LMO7: variants seen among roughly 807,000 people sequenced by gnomAD.
LMO7 encodes LIM domain only protein 7.
In LMO7, 120 loss-of-function variants were observed where a neutral mutation model predicts 206.5. The ratio of observed to expected loss-of-function variants is 0.58; its 90% CI spans 0.50 to 0.68. The LOEUF is 0.68. LMO7 is among the 30% of genes least tolerant of loss of function. The probability of loss-of-function intolerance (pLI) is 0.00; values close to 1 mark genes in which losing one functional copy is unlikely to be tolerated. For missense variants in LMO7, 1,959 were observed against 1,957.9 expected (o/e 1.00, Z -0.01); for synonymous variants, 706 against 681.5 (o/e 1.04, Z -0.56).
intron 1 of LMO7, among the ~76,000 whole-genome samples, chr13:75,704,661 G>A (rs1326510954): frequency 6.6e-6 from 1 of 152,200 alleles, no homozygotes; most frequent in Non-Finnish European, 1.5e-5. Flanking sequence ...ACTCGCATTA[G>A]TGGGCATTTT....
chr13:75,725,988 ATTT>A (rs34824538), intron 2 of LMO7, among the ~76,000 whole-genome samples: 2 of 141,392 alleles, frequency 1.4e-5, no homozygotes, highest in Non-Finnish European at 1.6e-5. Context: ...CAGGCTTCAG[ATTT>A]TTTTTTTTTT....
At chr13:75,790,352 A>G (rs2053098403) in intron 4 of LMO7, among the ~76,000 whole-genome samples, 1 of 152,110 alleles carries the variant, frequency 6.6e-6, no homozygotes, top group Non-Finnish European at 1.5e-5. Flanking sequence ...TGAGGCTGGT[A>G]CTGTTGTTCC....
chr13:75,822,762 CTATATATATATATATATATATA>C (rs66789925), intron 14 of LMO7, among the ~76,000 whole-genome samples: 8 of 108,448 alleles, frequency 7.4e-5, no homozygotes, highest in Non-Finnish European at 1.1e-4. Context: ...TTTTTAGAAA[CTATATATATATATATATATATA>C]TATATATATA....
At chr13:75,696,785 C>T (rs2041934305) in intron 1 of LMO7, among the ~76,000 whole-genome samples, 1 of 152,042 alleles carries the variant, frequency 6.6e-6, no homozygotes, top group Non-Finnish European at 1.5e-5. Flanking sequence ...CAAAAAAGCC[C>T]ATGTATTCCC....
chr13:75,701,273 C>T (rs1025517263), intron 1 of LMO7, among the ~76,000 whole-genome samples: 43 of 152,320 alleles, frequency 2.8e-4, no homozygotes, highest in African/African-American at 1.0e-3. Flanking sequence ...AACTGGGCGT[C>T]TCAGCCGCAT....
chr13:75,684,543 C>G (rs903657874), intron 1 of LMO7, among the ~76,000 whole-genome samples: 9 of 141,976 alleles, frequency 6.3e-5, no homozygotes, highest in African/African-American at 2.3e-4. Context: ...CTGCGCCCGG[C>G]CGGCTTTTTT....
chr13:75,696,108 G>A (rs142491447), intron 1 of LMO7, among the ~76,000 whole-genome samples: 3,975 of 152,296 alleles, frequency 0.026, 69 homozygotes, highest in African/African-American at 0.032. Flanking sequence ...TGTAATCCCA[G>A]CACTTTGGGA....
At chr13:75,643,159 C>T (rs1050747260) in intron 1 of LMO7, among the ~76,000 whole-genome samples, 7 of 152,180 alleles carry the variant, frequency 4.6e-5, no homozygotes, top group Non-Finnish European at 7.3e-5. Context: ...ATTGCTCTAG[C>T]TCTCTTTCTC....
intron 1 of LMO7, among the ~76,000 whole-genome samples, chr13:75,684,536 C>G (rs9544023): frequency 0.41 from 61,443 of 148,890 alleles, 13,803 homozygotes; most frequent in Middle Eastern, 0.53. Context: ...TGAGCCACTG[C>G]GCCCGGCCGG....
At chr13:75,687,500 G>T (rs896755493) in intron 1 of LMO7, among the ~76,000 whole-genome samples, 3 of 151,784 alleles carry the variant, frequency 2.0e-5, no homozygotes, top group Non-Finnish European at 4.4e-5. Context: ...TTCTCTACTT[G>T]GTTAACTCCA....
At chr13:75,808,246 G>A in intron 10 of LMO7, 47 bp downstream of exon 10, 1 of 1,526,956 alleles carries the variant, frequency 6.5e-7, no homozygotes, top group South Asian at 1.3e-5. Flanking sequence ...GGATGGTCTT[G>A]TGTAACTTTT....
chr13:75,733,334 G>C (rs1377276738), intron 3 of LMO7, among the ~76,000 whole-genome samples: 1 of 152,236 alleles, frequency 6.6e-6, no homozygotes. Flanking sequence ...GCAATGGCGG[G>C]CGCCCCTCCC....
rs9600510 is a variant in LMO7 at position 75,639,986 on chromosome 13, C to T, written c.69+3260C>T. On this transcript the variant is annotated intron_variant, in intron 1 of 30. Coordinates refer to ENST00000377534, the MANE Select transcript of LMO7 (RefSeq NM_001306080.2). Reference sequence around the variant, plus strand: ...TTCCTCACTTCTAATTGGTCTGTTTCTCCACCTGCCCCAAGTTTTATCCTT... The same window carrying T: ...TTCCTCACTTCTAATTGGTCTGTTTTTCCACCTGCCCCAAGTTTTATCCTT... Among the ~76,000 whole-genome samples the T allele has an allele frequency of 9.9e-3, 1,502 of 152,292 alleles. 33 individuals are homozygous for T. The highest frequency in any genetic ancestry group is 0.034 in the African/African-American group (1,393 of 41,562).
At chr13:75,838,063 T>C in intron 19 of LMO7, 77 bp from the exon 20 acceptor site, 1 of 800,878 alleles carries the variant, frequency 1.2e-6, no homozygotes, top group Non-Finnish European at 2.1e-6. Context: ...ATTGGAAAGG[T>C]ATATCAAGTA....
intron 6 of LMO7, among the ~76,000 whole-genome samples, chr13:75,799,142 C>T (rs2054412341): frequency 6.6e-6 from 1 of 152,158 alleles, no homozygotes; most frequent in South Asian, 2.1e-4. Flanking sequence ...CATGAAATCT[C>T]CTTGAAATCT....
intron 13 of LMO7, among the ~76,000 whole-genome samples, chr13:75,820,054 A>C (rs541174937): frequency 6.6e-6 from 1 of 152,344 alleles, no homozygotes; most frequent in South Asian, 2.1e-4. Context: ...TTAAACTTTA[A>C]TGTAAAGCAT....
chr13:75,733,959 A>T (rs1476770075), intron 3 of LMO7, among the ~76,000 whole-genome samples: 1 of 152,220 alleles, frequency 6.6e-6, no homozygotes, highest in Non-Finnish European at 1.5e-5. Context: ...GATGTGCACC[A>T]GTTGTTATGT....
At chr13:75,855,074 G>A (rs1595564427) in intron 28 of LMO7, 186 bp from the exon 29 acceptor site, 5 of 518,296 alleles carry the variant, frequency 9.6e-6, no homozygotes, top group South Asian at 6.1e-5. Context: ...CTGCCATGGA[G>A]ATGGTTCAAA....
At chr13:75,704,279 A>AG (rs2042498614) in intron 1 of LMO7, among the ~76,000 whole-genome samples, 1 of 152,210 alleles carries the variant, frequency 6.6e-6, no homozygotes, top group East Asian at 1.9e-4. Context: ...GAATTGTTTC[A>AG]TGATGTGGTT....
Sources: gnomAD v4.1 joint callset for allele counts (sites outside exome capture counted in the v4.1 genomes callset) on GRCh38, gnomAD v4.1.1 for gene constraint, MANE v1.5 for transcripts, NCBI Gene and HGNC (gene_info 2026-07-23, HGNC 2026-07-21) for gene names.